Variants in DLG2 observed in about 807,000 individuals in gnomAD.
DLG2 encodes the protein discs large MAGUK scaffold protein 2.
A neutral mutation model predicts 132.5 loss-of-function variants in DLG2; 45 were observed. The ratio of observed to expected loss-of-function variants is 0.34; its 90% CI spans 0.27 to 0.44. DLG2 has a LOEUF of 0.44. DLG2 is among the 20% of genes least tolerant of loss of function. The pLI is 1.00. For missense variants in DLG2, 1,045 were observed against 1,196.9 expected (o/e 0.87, Z 1.87); for synonymous variants, 424 against 419.6 (o/e 1.01, Z -0.13).
intron 3 of DLG2, among the ~76,000 whole-genome samples, chr11:85,424,797 G>A (rs931126187): frequency 3.3e-5 from 5 of 152,028 alleles, no homozygotes; most frequent in Non-Finnish European, 7.4e-5. Context: ...GACAATGTGA[G>A]GATACAAGGG....
intron 3 of DLG2, among the ~76,000 whole-genome samples, chr11:85,472,376 ACTG>A (rs2093012314): frequency 6.6e-6 from 1 of 152,144 alleles, no homozygotes; most frequent in Non-Finnish European, 1.5e-5. Context: ...ATCTCAGCTC[ACTG>A]CAATCTCCAC....
chr11:84,767,201 C>T (rs1025389279), intron 6 of DLG2, among the ~76,000 whole-genome samples: 2 of 151,992 alleles, frequency 1.3e-5, no homozygotes, highest in African/African-American at 2.4e-5. Flanking sequence ...AGATATTAAT[C>T]ATTTTATATA....
intron 7 of DLG2, among the ~76,000 whole-genome samples, chr11:84,255,614 C>T (rs1341382083): frequency 2.6e-5 from 4 of 152,114 alleles, no homozygotes; most frequent in Admixed American, 6.6e-5. Context: ...TGAGCCACCA[C>T]GTCCGGCCAT....
intron 6 of DLG2, among the ~76,000 whole-genome samples, chr11:84,786,896 G>A (rs986485603): frequency 3.9e-5 from 6 of 152,124 alleles, no homozygotes; most frequent in Non-Finnish European, 7.4e-5. Context: ...GGTCCCGGGG[G>A]CCAGGAAAAT....
chr11:84,241,010 T>A (rs1224932416), intron 8 of DLG2, among the ~76,000 whole-genome samples: 1 of 152,216 alleles, frequency 6.6e-6, no homozygotes, highest in Non-Finnish European at 1.5e-5. Flanking sequence ...TCCATATGGA[T>A]GAAACTCAGG....
intron 18 of DLG2, among the ~76,000 whole-genome samples, chr11:83,736,007 CT>C (rs977609856): frequency 1.3e-5 from 2 of 152,148 alleles, no homozygotes; most frequent in African/African-American, 4.8e-5. Context: ...TGCTTAGTTG[CT>C]TTAGTTGCGA....
chr11:84,594,300 T>G (rs76872970), intron 6 of DLG2, among the ~76,000 whole-genome samples: 9,930 of 152,194 alleles, frequency 0.065, 365 homozygotes, highest in South Asian at 0.083. Context: ...CCTCACAGAG[T>G]CCAGAAGACA....
intron 18 of DLG2, among the ~76,000 whole-genome samples, chr11:83,733,922 AC>A (rs1319876542): frequency 7.0e-6 from 1 of 143,436 alleles, no homozygotes. Flanking sequence ...TCCCTCTCCT[AC>A]CCTCCCACCC....
chr11:84,336,236 T>C (rs546738795), intron 7 of DLG2, among the ~76,000 whole-genome samples: 7 of 152,276 alleles, frequency 4.6e-5, no homozygotes, highest in African/African-American at 1.7e-4. Flanking sequence ...AGAAAATAAA[T>C]AATCTGGTTA....
At chr11:84,654,320 T>C (rs941484651) in intron 6 of DLG2, among the ~76,000 whole-genome samples, 2 of 152,184 alleles carry the variant, frequency 1.3e-5, no homozygotes, top group African/African-American at 2.4e-5. Flanking sequence ...GCAGGGGCTA[T>C]GGATAACTTA....
At chr11:84,730,855 C>A (rs1352612829) in intron 6 of DLG2, among the ~76,000 whole-genome samples, 1 of 151,992 alleles carries the variant, frequency 6.6e-6, no homozygotes, top group Non-Finnish European at 1.5e-5. Flanking sequence ...TGAAACAATT[C>A]CTCCCCTAAA....
chr11:84,439,627 TAAA>T (rs1312121105), intron 7 of DLG2, among the ~76,000 whole-genome samples: 1 of 152,334 alleles, frequency 6.6e-6, no homozygotes, highest in African/African-American at 2.4e-5. Context: ...ATCCAACGAA[TAAA>T]TATACATGGT....
intron 17 of DLG2, among the ~76,000 whole-genome samples, chr11:83,798,782 G>A (rs1382060832): frequency 6.6e-6 from 1 of 152,162 alleles, no homozygotes; most frequent in Non-Finnish European, 1.5e-5. Flanking sequence ...ATGTATTACA[G>A]TGTATTAAAT....
intron 6 of DLG2, among the ~76,000 whole-genome samples, chr11:84,685,912 C>T (rs2099737768): frequency 6.6e-6 from 1 of 152,176 alleles, no homozygotes; most frequent in Admixed American, 6.5e-5. Flanking sequence ...TGGTCTCGAT[C>T]TCTTGACCTC....
chr11:84,754,219 T>C (rs1405774188), intron 6 of DLG2, among the ~76,000 whole-genome samples: 1 of 152,210 alleles, frequency 6.6e-6, no homozygotes, highest in Non-Finnish European at 1.5e-5. Context: ...AGTGAGTGGA[T>C]GTAGAAGATC....
At chr11:85,070,508 G>T (rs1158767161) in intron 6 of DLG2, among the ~76,000 whole-genome samples, 1 of 151,564 alleles carries the variant, frequency 6.6e-6, no homozygotes, top group Non-Finnish European at 1.5e-5. Flanking sequence ...TAAAAGCCTA[G>T]ACTTAACCAA....
chr11:83,486,990 T>C (rs1177294859), intron 21 of DLG2, among the ~76,000 whole-genome samples: 2 of 152,090 alleles, frequency 1.3e-5, no homozygotes, highest in Non-Finnish European at 2.9e-5. Context: ...TTTTTTTTCT[T>C]TTAATATAGA....
intron 6 of DLG2, among the ~76,000 whole-genome samples, chr11:84,791,752 T>C (rs2073878285): frequency 6.6e-6 from 1 of 152,348 alleles, no homozygotes; most frequent in Non-Finnish European, 1.5e-5. Context: ...TGTTGCCATA[T>C]AGAAATGCTA....
intron 4 of DLG2, among the ~76,000 whole-genome samples, chr11:85,212,598 A>T (rs1595430430): frequency 6.6e-6 from 1 of 152,146 alleles, no homozygotes; most frequent in African/African-American, 2.4e-5. Context: ...AATCTGTAGC[A>T]ATCAGGCCTA....
Sources: gnomAD v4.1 joint callset for allele counts (sites outside exome capture counted in the v4.1 genomes callset) on GRCh38, gnomAD v4.1.1 for gene constraint, MANE v1.5 for transcripts, NCBI Gene and HGNC (gene_info 2026-07-23, HGNC 2026-07-21) for gene names.